ADGRD1: variants seen among roughly 807,000 people sequenced by gnomAD.
ADGRD1 encodes the protein adhesion G protein-coupled receptor D1.
In ADGRD1, 77 loss-of-function variants were observed where a neutral mutation model predicts 113.4. That is an observed-to-expected ratio of 0.68 (90% CI 0.57 to 0.82). The LOEUF (loss-of-function observed/expected upper bound fraction) is 0.82. Ranked by LOEUF, ADGRD1 falls within the 40% of genes least tolerant of loss-of-function variation. The pLI is 0.00. For synonymous variants in ADGRD1, 474 were observed against 475.0 expected (o/e 1.00, Z 0.03); for missense variants, 1,036 against 1,139.1 (o/e 0.91, Z 1.30).
At chr12:131,000,833 A>G (rs1223876077) in intron 9 of ADGRD1, among the ~76,000 whole-genome samples, 1 of 152,066 alleles carries the variant, frequency 6.6e-6, no homozygotes, top group Non-Finnish European at 1.5e-5. Context: ...TTGTCTTCCT[A>G]GAAGTGGCAT....
intron 13 of ADGRD1, among the ~76,000 whole-genome samples, chr12:131,036,140 C>T (rs1881340771): frequency 6.6e-6 from 1 of 152,142 alleles, no homozygotes; most frequent in South Asian, 2.1e-4. Context: ...TTCAGCCTTG[C>T]AGCGAGTCTT....
At chr12:130,999,071 C>A (rs928278644) in intron 8 of ADGRD1, among the ~76,000 whole-genome samples, 13 of 152,186 alleles carry the variant, frequency 8.5e-5, no homozygotes, top group African/African-American at 2.9e-4. Context: ...TATTCTACTT[C>A]TTAAAAATGT....
chr12:131,113,271 T>TG lies in ADGRD1; in HGVS notation c.2041+4394_2041+4395insG. ...AAATGATTATGTTTTTTAAAACTTT[T>TG]TTTTTTCAGTGATAGCTGTCTCTGG... is the stretch of plus-strand genomic sequence containing the variant. On this transcript the variant is annotated intron_variant, in intron 18 of 24. Transcript: ENST00000261654. This position sits in a 1 kb window ranked among gnomAD's most constrained non-coding sequence, Gnocchi z 4.9. 6.6e-6 allele frequency among the ~76,000 whole-genome samples: 1 copy of TG among 152,184 alleles called. No homozygotes were observed. The highest frequency in any genetic ancestry group is 1.9e-4 in the East Asian group (1 of 5,190).
chr12:131,124,903 G>T (rs1178649395), intron 20 of ADGRD1, among the ~76,000 whole-genome samples: 2 of 152,178 alleles, frequency 1.3e-5, no homozygotes, highest in African/African-American at 4.8e-5. Context: ...TGTAACACGG[G>T]ACCACAGGCT....
intron 13 of ADGRD1, among the ~76,000 whole-genome samples, chr12:131,071,088 G>A: frequency 6.9e-6 from 1 of 144,046 alleles, no homozygotes; most frequent in Non-Finnish European, 1.5e-5. Flanking sequence ...GTGAAAGGAG[G>A]TGGAGCCATG....
At position 131,139,306 on chromosome 12, in the gene ADGRD1, C is replaced by CA. The variant is rs1430114182; in HGVS notation, c.*43_*44insA. Reference sequence around the variant, plus strand: ...CAGGCCAGGCTGCGCTCAGAACACACCCCCCCAAACAGAATGAAATGCCCC... The same window carrying CA: ...CAGGCCAGGCTGCGCTCAGAACACACACCCCCCAAACAGAATGAAATGCCCC... On this transcript the variant is annotated 3_prime_UTR_variant, in exon 25 of 25. Transcript: ENST00000261654. The CA allele has an allele frequency of 1.7e-6, 2 of 1,211,262 alleles. No homozygotes were observed. Among genetic ancestry groups the CA allele is most frequent in the Non-Finnish European group, 1.2e-6 (1 of 867,772 alleles). 75.0% of individuals were successfully genotyped at this position (1,211,262 alleles called of 1,614,324 possible). A position where few individuals can be genotyped will look rare whatever the true frequency, so the allele number is the denominator to read the frequency against.
chr12:131,019,875 A>G (rs2136858939), intron 13 of ADGRD1, among the ~76,000 whole-genome samples: 1 of 61,640 alleles, frequency 1.6e-5, no homozygotes, highest in African/African-American at 4.7e-5. Flanking sequence ...GGGGTGCTCG[A>G]GAGAGATATT....
intron 13 of ADGRD1, among the ~76,000 whole-genome samples, chr12:131,054,418 C>G (rs1883670989): frequency 2.0e-5 from 3 of 152,180 alleles, no homozygotes; most frequent in African/African-American, 7.2e-5. Flanking sequence ...GCGTTTTCCA[C>G]TCAGCATTAT....
intron 8 of ADGRD1, among the ~76,000 whole-genome samples, chr12:130,998,761 G>A (rs936874071): frequency 7.9e-5 from 12 of 152,104 alleles, no homozygotes; most frequent in African/African-American, 2.7e-4. Context: ...CACTGCGCCC[G>A]GCCCCATTCT....
chr12:130,992,594 G>C, intron 8 of ADGRD1: 1 of 476,788 alleles, frequency 2.1e-6, no homozygotes, highest in Non-Finnish European at 3.7e-6. Flanking sequence ...TTCCTTTATG[G>C]GCACTTGAGT....
At chr12:131,033,006 G>A (rs144711497) in intron 13 of ADGRD1, among the ~76,000 whole-genome samples, 12 of 151,120 alleles carry the variant, frequency 7.9e-5, no homozygotes, top group South Asian at 2.1e-4. Context: ...TAGAGAAATC[G>A]CCACCCCGTC....
At chr12:131,026,050 C>T (rs1257681002) in intron 13 of ADGRD1, 4 of 152,316 alleles carry the variant, frequency 2.6e-5, no homozygotes, top group African/African-American at 9.6e-5. Context: ...GTCAATTGCG[C>T]CAGTGCCATC....
At chr12:131,120,025 A>G (rs1950555417) in intron 19 of ADGRD1, among the ~76,000 whole-genome samples, 1 of 152,200 alleles carries the variant, frequency 6.6e-6, no homozygotes, top group Non-Finnish European at 1.5e-5. Flanking sequence ...CCTCAGGGGC[A>G]GCATAGGATT....
chr12:131,115,763 A>C (rs1353073745), intron 18 of ADGRD1, among the ~76,000 whole-genome samples: 1 of 152,194 alleles, frequency 6.6e-6, no homozygotes, highest in Non-Finnish European at 1.5e-5. Context: ...AGATGACAGC[A>C]GTGGTGGGAA....
At chr12:131,073,475 C>T (rs569157605) in intron 13 of ADGRD1, among the ~76,000 whole-genome samples, 3 of 152,188 alleles carry the variant, frequency 2.0e-5, no homozygotes, top group Non-Finnish European at 2.9e-5. Flanking sequence ...GTCAGTATTT[C>T]GGCTCCTTAT....
chr12:131,053,663 A>G (rs1368329904), intron 13 of ADGRD1, among the ~76,000 whole-genome samples: 1 of 152,236 alleles, frequency 6.6e-6, no homozygotes, highest in Non-Finnish European at 1.5e-5. Context: ...AAGTAAACCC[A>G]AAGACAAACA....
chr12:130,997,809 G>A (rs1396086127), intron 8 of ADGRD1, among the ~76,000 whole-genome samples: 3 of 152,268 alleles, frequency 2.0e-5, no homozygotes, highest in South Asian at 2.1e-4. Context: ...GGTGGCGGCC[G>A]GGCAGAGGCT....
In ADGRD1 at chr12:131,136,952, G is replaced by GTTTCTTCCC. The variant is rs779293209; in HGVS notation, c.2395-11_2395-3dup. ...ACGTGCAAAGGGCTCTAATCTCTGC[G>GTTTCTTCCC]TTTCTTCCCTTTCTTCCCAGGGACT... On this transcript the variant is annotated intron_variant, in intron 22 of 24. Transcript: ENST00000261654. The GTTTCTTCCC allele has an allele frequency of 1.6e-5, 25 of 1,599,390 alleles. 1 individual carries two copies. The South Asian group carries it at 2.8e-4, about 18-fold the overall frequency.
intron 3 of ADGRD1, chr12:130,970,256 C>T (rs1181568620): frequency 6.6e-6 from 1 of 152,198 alleles, no homozygotes; most frequent in Non-Finnish European, 1.5e-5. Context: ...TCCTTTTCAA[C>T]ACAAAAACTG....
Sources: gnomAD v4.1 joint callset for allele counts (sites outside exome capture counted in the v4.1 genomes callset) on GRCh38, gnomAD v4.1.1 for gene constraint, Gnocchi (gnomAD v3.1) non-coding constraint, MANE v1.5 for transcripts, NCBI Gene and HGNC (gene_info 2026-07-23, HGNC 2026-07-21) for gene names.